The following PAFAH2 variants were observed in gnomAD, a reference collection of about 807,000 sequenced individuals.
PAFAH2 encodes platelet activating factor acetylhydrolase 2, also known as platelet-activating factor acetylhydrolase 2, cytoplasmic.
Under a neutral mutation model 49.0 loss-of-function variants are expected in PAFAH2, and 42 were observed. That is an observed-to-expected ratio of 0.86 (90% CI 0.67 to 1.11). PAFAH2 has a LOEUF of 1.11. PAFAH2 is among the 50% of genes least tolerant of loss of function. The pLI, the probability that PAFAH2 is intolerant of heterozygous loss-of-function variation, is 0.00. For missense variants in PAFAH2, 503 were observed against 501.8 expected, an observed-to-expected ratio of 1.00 and a Z score of -0.02; for synonymous variants, 184 against 181.3, an observed-to-expected ratio of 1.01 and a Z score of -0.12.
chr1:25,962,101 AG>A lies in PAFAH2; in HGVS notation c.1085-19del, dbSNP rs2049347393. ...TTTCAGGTCTGAAAAGGAAAAAAACAGGAACATTAGGCAAATCATTGTGAGG... is the reference window on the plus strand; with the variant it reads ...TTTCAGGTCTGAAAAGGAAAAAAACAGAACATTAGGCAAATCATTGTGAGG... On this transcript the variant is annotated intron_variant, in intron 10 of 10. Transcript: ENST00000374282. The A allele has an allele frequency of 5.1e-6, 8 of 1,577,486 alleles. No homozygotes were observed. Among genetic ancestry groups the A allele is most frequent in the African/African-American group, 1.3e-5 (1 of 74,180 alleles).
At chr1:25,994,860 A>G (rs2049918576) in intron 1 of PAFAH2, among the ~76,000 whole-genome samples, 1 of 152,226 alleles carries the variant, frequency 6.6e-6, no homozygotes, top group Non-Finnish European at 1.5e-5. Context: ...AAGATCATCA[A>G]CTAAATTGTT....
intron 10 of PAFAH2, among the ~76,000 whole-genome samples, chr1:25,969,566 T>A (rs971938638): frequency 2.0e-5 from 3 of 152,166 alleles, no homozygotes; most frequent in Admixed American, 1.3e-4. Context: ...TCCTCCCCTG[T>A]AAAATGCAGT....
chr1:25,968,752 C>T (rs990520245), intron 10 of PAFAH2, among the ~76,000 whole-genome samples: 1 of 152,128 alleles, frequency 6.6e-6, no homozygotes, highest in Non-Finnish European at 1.5e-5. Flanking sequence ...TCTTTTGAGA[C>T]AGGGTCTCAC....
At chr1:25,996,453 C>T (rs1392611590) in intron 1 of PAFAH2, among the ~76,000 whole-genome samples, 1 of 152,092 alleles carries the variant, frequency 6.6e-6, no homozygotes, top group Non-Finnish European at 1.5e-5. Context: ...TCCTGGCTAA[C>T]ACGGTGAAAC....
intron 8 of PAFAH2, among the ~76,000 whole-genome samples, chr1:25,975,280 C>T (rs761906864): frequency 3.0e-4 from 46 of 152,126 alleles, no homozygotes; most frequent in Non-Finnish European, 4.0e-4. Context: ...AATAGATACA[C>T]AAATGAAAAA....
chr1:25,979,470 T>C (rs967340952), intron 7 of PAFAH2, among the ~76,000 whole-genome samples: 2 of 152,032 alleles, frequency 1.3e-5, no homozygotes, highest in Admixed American at 6.6e-5. Context: ...TATAGGCACA[T>C]GTCACCACGC....
intron 2 of PAFAH2, 34 bp downstream of exon 2, chr1:25,990,693 T>C: frequency 3.2e-6 from 5 of 1,548,202 alleles, no homozygotes; most frequent in Non-Finnish European, 3.6e-6. Context: ...GCAGAAGCAG[T>C]GCAAACAGAA....
At chr1:25,988,437 C>A in intron 3 of PAFAH2, 110 bp from the exon 4 acceptor site, 1 of 746,426 alleles carries the variant, frequency 1.3e-6, no homozygotes, top group South Asian at 1.6e-5. Flanking sequence ...TCTGGAGAAC[C>A]ACCATCGGCC....
chr1:25,978,999 T>C (rs1280129387), intron 7 of PAFAH2, among the ~76,000 whole-genome samples: 1 of 152,230 alleles, frequency 6.6e-6, no homozygotes, highest in African/African-American at 2.4e-5. Context: ...CCATCTATCA[T>C]GCTGCATGTG....
At chr1:25,976,442 G>T (rs1441267274) in intron 8 of PAFAH2, among the ~76,000 whole-genome samples, 2 of 152,098 alleles carry the variant, frequency 1.3e-5, no homozygotes, top group Non-Finnish European at 2.9e-5. Context: ...AACATGCTCA[G>T]CTTTATTTTT....
At chr1:25,963,753 G>A (rs997236527) in intron 10 of PAFAH2, among the ~76,000 whole-genome samples, 8 of 152,274 alleles carry the variant, frequency 5.3e-5, no homozygotes, top group Non-Finnish European at 1.0e-4. Context: ...CGCCCGCCTC[G>A]GCCTCCCAAA....
chr1:25,978,577 G>A (rs369996813), intron 7 of PAFAH2, among the ~76,000 whole-genome samples: 1 of 152,168 alleles, frequency 6.6e-6, no homozygotes, highest in Non-Finnish European at 1.5e-5. Flanking sequence ...ACTTGTGATT[G>A]TTCTAGCCAA....
chr1:25,989,947 T>C (rs1006852458), intron 2 of PAFAH2, among the ~76,000 whole-genome samples: 1 of 152,122 alleles, frequency 6.6e-6, no homozygotes, highest in Non-Finnish European at 1.5e-5. Context: ...TTAGTTCTCG[T>C]GCTGAACAGG....
In PAFAH2 at chr1:25,976,736, T is replaced by C. The variant is rs867532564; in HGVS notation, c.704A>G (p.His235Arg). The change falls in exon 8 of 11, where the codon CAT becomes CGT. Residue 235 changes from histidine to arginine, a missense_variant. Transcript: ENST00000374282. ...AATAGCTGTGGCCCCTCCAAATGAA[T>C]GTCCCATCACAGCCACACGGCTCAT... ...IDMSRVAVMGHSFGGATAILA... is the reference protein window; with the variant it reads ...IDMSRVAVMGRSFGGATAILA... 5 of 1,614,080 alleles carry C rather than the reference T, an allele frequency of 3.1e-6. No homozygotes were observed. Among genetic ancestry groups the C allele is most frequent in the African/African-American group, 1.3e-5 (1 of 74,940 alleles).
At chr1:25,994,905 G>A (rs1326942045) in intron 1 of PAFAH2, among the ~76,000 whole-genome samples, 1 of 152,204 alleles carries the variant, frequency 6.6e-6, no homozygotes, top group Non-Finnish European at 1.5e-5. Flanking sequence ...ATTGGCCAGA[G>A]TGAAGCTAAC....
At chr1:25,982,802 G>A (rs2049711406) in intron 6 of PAFAH2, among the ~76,000 whole-genome samples, 1 of 152,148 alleles carries the variant, frequency 6.6e-6, no homozygotes, top group African/African-American at 2.4e-5. Flanking sequence ...AACCAGTACT[G>A]GATTCCACTG....
At chr1:25,966,650 GAA>G (rs1371525249) in intron 10 of PAFAH2, among the ~76,000 whole-genome samples, 1 of 152,058 alleles carries the variant, frequency 6.6e-6, no homozygotes, top group Non-Finnish European at 1.5e-5. Flanking sequence ...GGTGAGGGCT[GAA>G]AAATTACCTA....
intron 1 of PAFAH2, among the ~76,000 whole-genome samples, chr1:25,992,978 C>T (rs1319335761): frequency 1.3e-5 from 2 of 152,154 alleles, no homozygotes; most frequent in Non-Finnish European, 2.9e-5. Flanking sequence ...TGTCAAGTGG[C>T]CTTGAACCAC....
chr1:25,996,953 C>G (rs1455856740), intron 1 of PAFAH2, among the ~76,000 whole-genome samples: 1 of 152,192 alleles, frequency 6.6e-6, no homozygotes, highest in Non-Finnish European at 1.5e-5. Context: ...TCCCAGCAGC[C>G]TTTTCAGGCC....
Sources: gnomAD v4.1 joint callset for allele counts (sites outside exome capture counted in the v4.1 genomes callset) on GRCh38, gnomAD v4.1.1 for gene constraint, MANE v1.5 for transcripts, NCBI Gene and HGNC (gene_info 2026-07-23, HGNC 2026-07-21) for gene names.